The following RAB5C variants were observed in gnomAD, a reference collection of about 807,000 sequenced individuals.
The protein encoded by RAB5C is RAB5C, member RAS oncogene family.
Under a neutral mutation model 25.2 loss-of-function variants are expected in RAB5C, and 4 were observed. The ratio of observed to expected loss-of-function variants is 0.16; its 90% CI spans 0.08 to 0.36. The LOEUF (loss-of-function observed/expected upper bound fraction) is 0.36. Among genes scored for constraint, RAB5C ranks in the 10% least tolerant of loss-of-function variants. The probability of loss-of-function intolerance (pLI) is 1.00; values close to 1 mark genes in which losing one functional copy is unlikely to be tolerated. For missense variants in RAB5C, 199 were observed against 283.8 expected (o/e 0.70, Z 2.15); for synonymous variants, 100 against 106.4 (o/e 0.94, Z 0.37).
intron 1 of RAB5C, among the ~76,000 whole-genome samples, chr17:42,139,590 G>A (rs1271374486): frequency 6.6e-6 from 1 of 152,176 alleles, no homozygotes; most frequent in African/African-American, 2.4e-5. Flanking sequence ...CTCCTGAGTA[G>A]CTAGGACTAC....
intron 2 of RAB5C, 21 bp downstream of exon 2, chr17:42,130,316 G>T: frequency 6.3e-7 from 1 of 1,576,990 alleles, no homozygotes. Flanking sequence ...GCCCCTCCCC[G>T]ACTCCCTCAT....
intron 1 of RAB5C, among the ~76,000 whole-genome samples, chr17:42,134,810 G>A (rs572003501): frequency 1.2e-4 from 18 of 152,136 alleles, no homozygotes; most frequent in Non-Finnish European, 2.1e-4. Context: ...ACATGAAAGC[G>A]CAGAAGGGAT....
At chr17:42,151,247 T>C (rs1255731796) in intron 1 of RAB5C, among the ~76,000 whole-genome samples, 2 of 152,232 alleles carry the variant, frequency 1.3e-5, no homozygotes, top group African/African-American at 4.8e-5. Flanking sequence ...CCATCCTGGC[T>C]AACACGGCGG....
chr17:42,126,994 C>T, intron 4 of RAB5C, 146 bp from the exon 5 acceptor site: 1 of 493,500 alleles, frequency 2.0e-6, no homozygotes, highest in Non-Finnish European at 3.8e-6. Context: ...AGGCCTAAGG[C>T]TGCCCTGATC....
intron 3 of RAB5C, 130 bp from the exon 4 acceptor site, chr17:42,128,513 T>A: frequency 7.0e-7 from 1 of 1,433,332 alleles, no homozygotes; most frequent in Non-Finnish European, 9.3e-7. Context: ...TGATGCAATG[T>A]CCCCAAACAG....
chr17:42,148,683 G>T (rs116946593), intron 1 of RAB5C, among the ~76,000 whole-genome samples: 2 of 152,366 alleles, frequency 1.3e-5, no homozygotes, highest in East Asian at 3.9e-4. Context: ...GCAAGGGAAG[G>T]CTTCACAGAG....
At chr17:42,139,555 C>G (rs2054571566) in intron 1 of RAB5C, among the ~76,000 whole-genome samples, 1 of 152,182 alleles carries the variant, frequency 6.6e-6, no homozygotes, top group African/African-American at 2.4e-5. Context: ...CTCCAGCTCC[C>G]AGGTTCAAGC....
At chr17:42,132,943 C>T (rs769391512) in intron 1 of RAB5C, among the ~76,000 whole-genome samples, 2 of 152,200 alleles carry the variant, frequency 1.3e-5, no homozygotes, top group African/African-American at 2.4e-5. Context: ...ATGATGCCAT[C>T]CTCCCTGCTG....
At chr17:42,153,643 T>C (rs2079686431) in intron 1 of RAB5C, among the ~76,000 whole-genome samples, 1 of 152,118 alleles carries the variant, frequency 6.6e-6, no homozygotes, top group Non-Finnish European at 1.5e-5. Flanking sequence ...CCACTGTAGA[T>C]AGCAAGGGTC....
chr17:42,141,794 G>A (rs777940676), intron 1 of RAB5C, among the ~76,000 whole-genome samples: 4 of 152,204 alleles, frequency 2.6e-5, no homozygotes, highest in Non-Finnish European at 5.9e-5. Flanking sequence ...GATGATGCAT[G>A]TGAGACTCTC....
At chr17:42,144,062 A>ACTTGGGGTATTCCC (rs1338558671) in intron 1 of RAB5C, among the ~76,000 whole-genome samples, 2 of 152,166 alleles carry the variant, frequency 1.3e-5, no homozygotes, top group African/African-American at 4.8e-5. Context: ...CTGGGAATAC[A>ACTTGGGGTATTCCC]AACGCGAGCC....
intron 4 of RAB5C, among the ~76,000 whole-genome samples, chr17:42,127,748 C>T (rs552525790): frequency 6.6e-6 from 1 of 151,414 alleles, no homozygotes; most frequent in African/African-American, 2.4e-5. Context: ...ATGCTGGTCT[C>T]GAACTCCTAA....
intron 2 of RAB5C, among the ~76,000 whole-genome samples, chr17:42,129,261 G>A (rs1301674346): frequency 6.6e-6 from 1 of 152,150 alleles, no homozygotes; most frequent in African/African-American, 2.4e-5. Context: ...GGTTTCCTAA[G>A]GACATTCTCA....
chr17:42,129,199 G>A (rs2054461311), intron 2 of RAB5C, among the ~76,000 whole-genome samples: 1 of 152,128 alleles, frequency 6.6e-6, no homozygotes, highest in African/African-American at 2.4e-5. Flanking sequence ...CCAGCAGCTA[G>A]GGACCGCTCC....
chr17:42,128,540 C>G (rs2054452020), intron 3 of RAB5C, 109 bp downstream of exon 3: 23 of 472,540 alleles, frequency 4.9e-5, no homozygotes, highest in Non-Finnish European at 8.3e-5. Flanking sequence ...TGCCCACCCC[C>G]CACCCAGGAA....
intron 2 of RAB5C, among the ~76,000 whole-genome samples, chr17:42,129,791 G>A (rs551436862): frequency 2.0e-5 from 3 of 152,340 alleles, no homozygotes; most frequent in South Asian, 4.1e-4. Flanking sequence ...GCCTCTTGAT[G>A]TGTGTGTTAG....
intron 4 of RAB5C, among the ~76,000 whole-genome samples, chr17:42,128,040 G>A (rs1035812947): frequency 4.6e-5 from 7 of 151,902 alleles, no homozygotes; most frequent in African/African-American, 1.5e-4. Flanking sequence ...GGCTGGTCTC[G>A]AACTCCTGGC....
At chr17:42,149,472 C>T (rs1170703996) in intron 1 of RAB5C, among the ~76,000 whole-genome samples, 1 of 152,092 alleles carries the variant, frequency 6.6e-6, no homozygotes, top group Non-Finnish European at 1.5e-5. Context: ...GTCCCAGCTA[C>T]TCAGGAGGCT....
intron 1 of RAB5C, among the ~76,000 whole-genome samples, chr17:42,138,633 A>G (rs544996996): frequency 5.9e-5 from 9 of 152,214 alleles, no homozygotes; most frequent in South Asian, 2.1e-4. Context: ...TCTTTTTTCA[A>G]TAAGATTTCT....
Sources: gnomAD v4.1 joint callset for allele counts (sites outside exome capture counted in the v4.1 genomes callset) on GRCh38, gnomAD v4.1.1 for gene constraint, MANE v1.5 for transcripts, NCBI Gene and HGNC (gene_info 2026-07-23, HGNC 2026-07-21) for gene names.